The following PTPRN2 variants were observed in gnomAD, a reference collection of about 807,000 sequenced individuals.
PTPRN2 encodes the protein protein tyrosine phosphatase receptor type N2, also known as receptor-type tyrosine-protein phosphatase N2.
PTPRN2 carries 74 observed loss-of-function variants against 118.8 expected under a neutral mutation model. The observed-to-expected ratio is 0.62, with a 90% CI of 0.52 to 0.76. The LOEUF (loss-of-function observed/expected upper bound fraction) is 0.76, where lower values mean the gene tolerates loss of function less well. Ranked by LOEUF, PTPRN2 falls within the 30% of genes least tolerant of loss-of-function variation. The pLI is 0.00. For synonymous variants in PTPRN2, 641 were observed against 608.0 expected (o/e 1.05, Z -0.80); for missense variants, 1,481 against 1,394.4 (o/e 1.06, Z -0.99).
In PTPRN2 at chr7:158,569,506, G is replaced by A. The variant is rs180911644; in HGVS notation, c.112+18052C>T. 6.4e-3 allele frequency among the ~76,000 whole-genome samples: 982 copies of A among 152,340 alleles called. 16 individuals carry two copies. Among genetic ancestry groups the A allele is most frequent in the African/African-American group, 0.022 (902 of 41,594 alleles). ...CTCGCGCACGCCAGGCTGTGGGGCCGAGGGGTCCGGCTCTCAGGGTCCTGC... is the reference window on the plus strand; with the variant it reads ...CTCGCGCACGCCAGGCTGTGGGGCCAAGGGGTCCGGCTCTCAGGGTCCTGC... On this transcript the variant is annotated intron_variant, in intron 1 of 22. Coordinates refer to ENST00000389418, the MANE Select transcript of PTPRN2 (RefSeq NM_002847.5).
intron 12 of PTPRN2, chr7:157,864,186 G>A (rs1289476044): frequency 6.6e-6 from 1 of 152,284 alleles, no homozygotes; most frequent in African/African-American, 2.4e-5. Context: ...TCACACACAG[G>A]GTGTGAGTGC....
At chr7:158,387,964 TTACACACACATATATCTATTTA>T (rs1397431277) in intron 2 of PTPRN2, among the ~76,000 whole-genome samples, 2 of 152,070 alleles carry the variant, frequency 1.3e-5, no homozygotes, top group Non-Finnish European at 2.9e-5. Flanking sequence ...ATATCTCTAT[TTACACACACATATATCTATTTA>T]TACACACACA....
At chr7:158,083,618 G>A (rs72621125) in intron 10 of PTPRN2, among the ~76,000 whole-genome samples, 7,502 of 152,312 alleles carry the variant, frequency 0.049, 250 homozygotes, top group East Asian at 0.18. Context: ...CGTGGGGGCC[G>A]CAGGAGAGGC....
At chr7:158,072,122 A>T (rs1350196752) in intron 11 of PTPRN2, among the ~76,000 whole-genome samples, 4 of 149,960 alleles carry the variant, frequency 2.7e-5, no homozygotes, top group Non-Finnish European at 5.9e-5. Flanking sequence ...ATGGTGGTGG[A>T]GGTGCTCATG....
At chr7:158,539,803 A>G in intron 1 of PTPRN2, 1 of 242,980 alleles carries the variant, frequency 4.1e-6, no homozygotes, top group Non-Finnish European at 8.1e-6. Flanking sequence ...GGCTGGGGAC[A>G]TACTGTGAGC....
chr7:158,498,107 T>C (rs1001110076), intron 1 of PTPRN2, among the ~76,000 whole-genome samples: 1 of 152,268 alleles, frequency 6.6e-6, no homozygotes, highest in African/African-American at 2.4e-5. Flanking sequence ...CTCACGTCTT[T>C]GGCTTCTGTA....
Position 158,563,313 on chromosome 7 carries a change from C to T in PTPRN2, c.112+24245G>A, listed in dbSNP as rs1198665953. On this transcript the variant is annotated intron_variant, in intron 1 of 22. Transcript: ENST00000389418. This position sits in a 1 kb window ranked among gnomAD's most constrained non-coding sequence, Gnocchi z 5.1. The stretch of plus-strand genomic sequence containing the variant: ...ACTTCGCCAATAGCCTTGTGCTTCT[C>T]GTTCAAAGCAAGAAGTACCCAAGTG... Among the ~76,000 whole-genome samples the T allele has an allele frequency of 6.6e-6, 1 of 152,168 alleles. No individual in the cohort carries two copies. Among genetic ancestry groups the T allele is most frequent in the Non-Finnish European group, 1.5e-5 (1 of 68,038 alleles).
chr7:157,553,443 T>C (rs1293119405), intron 21 of PTPRN2, among the ~76,000 whole-genome samples: 6 of 152,210 alleles, frequency 3.9e-5, no homozygotes, highest in Admixed American at 3.9e-4. Context: ...TCTCTGGAGA[T>C]GGCTGTTGCT....
chr7:158,113,147 G>A (rs1414403886), intron 9 of PTPRN2, among the ~76,000 whole-genome samples: 4 of 152,148 alleles, frequency 2.6e-5, no homozygotes, highest in Non-Finnish European at 5.9e-5. Context: ...TTCCAAGAAG[G>A]AGAAGGGCCG....
intron 3 of PTPRN2, among the ~76,000 whole-genome samples, chr7:158,266,697 C>T (rs1004573865): frequency 5.3e-5 from 8 of 152,310 alleles, no homozygotes; most frequent in Non-Finnish European, 1.0e-4. Flanking sequence ...AGACGAGAGC[C>T]ACTTCCCGGC....
chr7:157,828,917 A>G (rs1483496937), intron 12 of PTPRN2, among the ~76,000 whole-genome samples: 1 of 152,270 alleles, frequency 6.6e-6, no homozygotes, highest in Non-Finnish European at 1.5e-5. Context: ...TCAGGAACGA[A>G]GATGGTGTCA....
chr7:158,528,994 C>T (rs1825010587), intron 1 of PTPRN2, among the ~76,000 whole-genome samples: 1 of 152,140 alleles, frequency 6.6e-6, no homozygotes, highest in South Asian at 2.1e-4. Flanking sequence ...AACGTGTGCT[C>T]ACGAAAGTCA....
chr7:158,134,415 C>T (rs966042769), intron 8 of PTPRN2, among the ~76,000 whole-genome samples: 1 of 152,062 alleles, frequency 6.6e-6, no homozygotes, highest in Non-Finnish European at 1.5e-5. Context: ...CAAGATCCCA[C>T]CCCAGCCCTC....
chr7:158,466,141 G>T (rs1008022951), intron 2 of PTPRN2, among the ~76,000 whole-genome samples: 5 of 152,182 alleles, frequency 3.3e-5, no homozygotes, highest in African/African-American at 1.2e-4. Context: ...CTGTGGTCAA[G>T]AGTTAACACC....
chr7:158,440,792 G>A (rs1472924903), intron 2 of PTPRN2, among the ~76,000 whole-genome samples: 3 of 121,320 alleles, frequency 2.5e-5, no homozygotes, highest in Admixed American at 8.1e-5. Flanking sequence ...ATGGTGATGG[G>A]GGTGGTAGTG....
Position 157,757,148 on chromosome 7 carries a change from C to T in PTPRN2, c.1789-74211G>A, listed in dbSNP as rs140052954. On this transcript the variant is annotated intron_variant, in intron 12 of 22. Transcript: ENST00000389418. The stretch of plus-strand genomic sequence containing the variant: ...CCCCCTAAAGAGATCATTATTGTTA[C>T]GACATAGAAAAACCTAGCCTTGCAG... Among the ~76,000 whole-genome samples the T allele has an allele frequency of 2.6e-3, 392 of 151,398 alleles. 1 individual carries two copies. Among genetic ancestry groups the T allele is most frequent in the African/African-American group, 9.0e-3 (372 of 41,138 alleles).
At position 157,575,507 on chromosome 7, in the gene PTPRN2, G is replaced by T. The variant is rs550831316; in HGVS notation, c.2783+1106C>A. On this transcript the variant is annotated intron_variant, in intron 19 of 22. Coordinates refer to ENST00000389418, the MANE Select transcript of PTPRN2 (RefSeq NM_002847.5). ...TGTCTCCTTGCAGAGGCTCTTGATT[G>T]ATTTCTATTGATTCAAATTACAAAA... Among the ~76,000 whole-genome samples, 3 of 152,314 alleles carry T rather than the reference G, an allele frequency of 2.0e-5. No homozygotes were observed. In the East Asian group the frequency reaches 5.8e-4, roughly 29 times the overall value.
At chr7:158,325,237 C>T (rs1490408557) in intron 2 of PTPRN2, among the ~76,000 whole-genome samples, 3 of 151,974 alleles carry the variant, frequency 2.0e-5, no homozygotes, top group African/African-American at 7.3e-5. Context: ...CCACCAAACG[C>T]CGTGAACACG....
chr7:158,368,951 T>G (rs926609202), intron 2 of PTPRN2, among the ~76,000 whole-genome samples: 1 of 152,126 alleles, frequency 6.6e-6, no homozygotes, highest in Non-Finnish European at 1.5e-5. Flanking sequence ...GTGAGGGCGT[T>G]GCCGAAGGAG....
Sources: gnomAD v4.1 joint callset for allele counts (sites outside exome capture counted in the v4.1 genomes callset) on GRCh38, gnomAD v4.1.1 for gene constraint, Gnocchi (gnomAD v3.1) non-coding constraint, MANE v1.5 for transcripts, NCBI Gene and HGNC (gene_info 2026-07-23, HGNC 2026-07-21) for gene names.